FSTL5: variants seen among roughly 807,000 people sequenced by gnomAD.
The protein encoded by FSTL5 is follistatin-related protein 5.
Under a neutral mutation model 89.1 loss-of-function variants are expected in FSTL5, and 62 were observed. That is an observed-to-expected ratio of 0.70 (90% CI 0.57 to 0.86). FSTL5 has a LOEUF of 0.86. FSTL5 is among the 40% of genes least tolerant of loss of function. The pLI is 0.00. For missense variants in FSTL5, 1,057 were observed against 1,001.6 expected (o/e 1.06, Z -0.75); for synonymous variants, 383 against 346.2 (o/e 1.11, Z -1.18).
At chr4:162,144,315 T>C (rs763471410) in intron 1 of FSTL5, among the ~76,000 whole-genome samples, 1 of 152,212 alleles carries the variant, frequency 6.6e-6, no homozygotes, top group Non-Finnish European at 1.5e-5. Flanking sequence ...TTATATGTTC[T>C]ATTATCGATG....
At chr4:161,843,085 A>T (rs1731261821) in intron 4 of FSTL5, among the ~76,000 whole-genome samples, 1 of 152,068 alleles carries the variant, frequency 6.6e-6, no homozygotes, top group Non-Finnish European at 1.5e-5. Flanking sequence ...TTTTCCAGAG[A>T]CTTTATTTAC....
intron 1 of FSTL5, among the ~76,000 whole-genome samples, chr4:162,123,074 A>C (rs1208838534): frequency 1.3e-5 from 2 of 152,152 alleles, no homozygotes; most frequent in Non-Finnish European, 2.9e-5. Context: ...TATTAAAAAA[A>C]ATCATTGCAA....
intron 3 of FSTL5, among the ~76,000 whole-genome samples, chr4:161,949,641 C>T (rs971570699): frequency 2.1e-4 from 28 of 132,498 alleles, no homozygotes; most frequent in African/African-American, 5.9e-4. Context: ...AGATTTCAAA[C>T]GTATTGTTTA....
intron 6 of FSTL5, among the ~76,000 whole-genome samples, chr4:161,661,867 T>C (rs1472246807): frequency 2.0e-5 from 3 of 152,068 alleles, no homozygotes; most frequent in Non-Finnish European, 2.9e-5. Context: ...AACAAACACA[T>C]AAACAGCATG....
At chr4:161,665,182 AGTTTT>A (rs1344329115) in intron 6 of FSTL5, among the ~76,000 whole-genome samples, 1 of 152,164 alleles carries the variant, frequency 6.6e-6, no homozygotes, top group African/African-American at 2.4e-5. Context: ...CTAAAGTAAA[AGTTTT>A]GTTTTGTTTT....
chr4:162,065,030 A>G (rs12510461), intron 2 of FSTL5, among the ~76,000 whole-genome samples: 8,147 of 152,076 alleles, frequency 0.054, 398 homozygotes, highest in East Asian at 0.24. Context: ...ATAAATGATG[A>G]TGAAAAAATT....
intron 1 of FSTL5, among the ~76,000 whole-genome samples, chr4:162,155,717 G>C (rs1165125791): frequency 6.6e-6 from 1 of 152,150 alleles, no homozygotes. Flanking sequence ...GACCTAAACA[G>C]GGATTCTTGA....
intron 2 of FSTL5, among the ~76,000 whole-genome samples, chr4:162,065,952 G>C (rs1285004669): frequency 6.6e-6 from 1 of 151,864 alleles, no homozygotes; most frequent in Non-Finnish European, 1.5e-5. Context: ...TCTTTTCCAT[G>C]CTTTAACTTT....
chr4:161,425,711 A>T (rs1232543042), intron 15 of FSTL5, among the ~76,000 whole-genome samples: 1 of 152,140 alleles, frequency 6.6e-6, no homozygotes, highest in Non-Finnish European at 1.5e-5. Flanking sequence ...TTGGAGCTGG[A>T]GTGACTTTGG....
At chr4:161,930,213 T>C (rs766601025) in intron 3 of FSTL5, among the ~76,000 whole-genome samples, 4 of 151,892 alleles carry the variant, frequency 2.6e-5, no homozygotes, top group Non-Finnish European at 5.9e-5. Context: ...ACATCACAGC[T>C]GAATTTAAGA....
intron 6 of FSTL5, among the ~76,000 whole-genome samples, chr4:161,700,058 A>G (rs1014752989): frequency 6.6e-6 from 1 of 152,220 alleles, no homozygotes; most frequent in Non-Finnish European, 1.5e-5. Flanking sequence ...AACATTGACA[A>G]CATAGTTCTT....
chr4:161,889,447 CAGCCTGGCCA>C (rs1190630774), intron 4 of FSTL5, among the ~76,000 whole-genome samples: 1 of 152,030 alleles, frequency 6.6e-6, no homozygotes, highest in Non-Finnish European at 1.5e-5. Flanking sequence ...AGTTCGAGAC[CAGCCTGGCCA>C]ACATGGTGAA....
At chr4:161,563,696 A>G (rs903911351) in intron 8 of FSTL5, among the ~76,000 whole-genome samples, 2 of 152,048 alleles carry the variant, frequency 1.3e-5, no homozygotes, top group African/African-American at 2.4e-5. Context: ...CTCTACTGCT[A>G]TCTTTTCTGT....
At chr4:162,163,131 A>G (rs1733755048) in intron 1 of FSTL5, among the ~76,000 whole-genome samples, 1 of 152,300 alleles carries the variant, frequency 6.6e-6, no homozygotes, top group African/African-American at 2.4e-5. Flanking sequence ...AGAGCTCTGC[A>G]CTTTGAAGTC....
intron 6 of FSTL5, among the ~76,000 whole-genome samples, chr4:161,739,608 C>T (rs142648270): frequency 7.2e-5 from 11 of 152,262 alleles, no homozygotes; most frequent in Middle Eastern, 3.4e-3. Flanking sequence ...TAGTTGTATA[C>T]AGCAGAGGGT....
At chr4:161,398,602 C>T (rs1417917978) in intron 15 of FSTL5, among the ~76,000 whole-genome samples, 3 of 152,020 alleles carry the variant, frequency 2.0e-5, no homozygotes, top group Non-Finnish European at 2.9e-5. Context: ...AAATACTCAA[C>T]TTTTCAACTT....
At chr4:162,003,277 T>C (rs776664191) in intron 3 of FSTL5, among the ~76,000 whole-genome samples, 27 of 152,208 alleles carry the variant, frequency 1.8e-4, no homozygotes, top group Admixed American at 9.2e-4. Flanking sequence ...TGCCAGATGC[T>C]GTTCTATGCG....
chr4:161,589,975 A>C (rs1367136831), intron 7 of FSTL5, among the ~76,000 whole-genome samples: 4 of 152,146 alleles, frequency 2.6e-5, no homozygotes, highest in Non-Finnish European at 5.9e-5. Context: ...AAACCTCAAC[A>C]AAGCCTGGGA....
intron 15 of FSTL5, among the ~76,000 whole-genome samples, chr4:161,435,766 G>C (rs2126352519): frequency 6.6e-6 from 1 of 151,420 alleles, no homozygotes; most frequent in Middle Eastern, 3.5e-3. Context: ...TTTGTAAAAG[G>C]AGTTGAGTCT....
Sources: gnomAD v4.1 joint callset for allele counts (sites outside exome capture counted in the v4.1 genomes callset) on GRCh38, gnomAD v4.1.1 for gene constraint, MANE v1.5 for transcripts, NCBI Gene and HGNC (gene_info 2026-07-23, HGNC 2026-07-21) for gene names.